Variants in RSU1 observed in about 807,000 individuals in gnomAD.
RSU1 encodes the protein Ras suppressor protein 1, also known as rsu-1.
A neutral mutation model predicts 31.1 loss-of-function variants in RSU1; 26 were observed. That is an observed-to-expected ratio of 0.84 (90% CI 0.61 to 1.16). RSU1 has a LOEUF of 1.16. RSU1 is among the 50% of genes most tolerant of loss of function. The pLI is 0.00. For synonymous variants in RSU1, 164 were observed against 136.3 expected (o/e 1.20, Z -1.41); for missense variants, 320 against 339.1 (o/e 0.94, Z 0.44).
At chr10:16,751,711 T>G (rs1214439858) in intron 7 of RSU1, among the ~76,000 whole-genome samples, 1 of 152,238 alleles carries the variant, frequency 6.6e-6, no homozygotes, top group Admixed American at 6.5e-5. Flanking sequence ...AAAGAACTGC[T>G]TCCTCAATGT....
intron 8 of RSU1, among the ~76,000 whole-genome samples, chr10:16,594,179 C>G (rs1052306148): frequency 6.6e-6 from 1 of 152,146 alleles, no homozygotes; most frequent in Non-Finnish European, 1.5e-5. Context: ...ACAGCTCAAA[C>G]TTAACTCCTT....
intron 7 of RSU1, among the ~76,000 whole-genome samples, chr10:16,710,170 G>T (rs1835987871): frequency 6.6e-6 from 1 of 152,146 alleles, no homozygotes; most frequent in Admixed American, 6.5e-5. Context: ...CATTTACTGT[G>T]TTAAGGTACA....
intron 8 of RSU1, among the ~76,000 whole-genome samples, chr10:16,642,731 CA>C (rs1471330932): frequency 6.6e-6 from 1 of 152,134 alleles, no homozygotes; most frequent in Non-Finnish European, 1.5e-5. Flanking sequence ...AACCTATTTC[CA>C]AAAGACTAAC....
chr10:16,601,244 G>A (rs1027062510), intron 8 of RSU1, among the ~76,000 whole-genome samples: 2 of 152,112 alleles, frequency 1.3e-5, no homozygotes, highest in Non-Finnish European at 2.9e-5. Context: ...AGAACTTCAG[G>A]AGCAAATGCT....
At chr10:16,751,901 G>A (rs1167153380) in intron 7 of RSU1, among the ~76,000 whole-genome samples, 1 of 152,160 alleles carries the variant, frequency 6.6e-6, no homozygotes, top group Non-Finnish European at 1.5e-5. Flanking sequence ...TGGCTTGGAG[G>A]TTATTTCTGG....
At chr10:16,644,771 A>C (rs184339312) in intron 8 of RSU1, among the ~76,000 whole-genome samples, 2 of 152,342 alleles carry the variant, frequency 1.3e-5, no homozygotes, top group Non-Finnish European at 2.9e-5. Flanking sequence ...ACATTTTCTC[A>C]ATCCTATTAA....
chr10:16,636,122 C>T (rs1303894305), intron 8 of RSU1, among the ~76,000 whole-genome samples: 1 of 152,130 alleles, frequency 6.6e-6, no homozygotes, highest in African/African-American at 2.4e-5. Flanking sequence ...CTCTTCCAGA[C>T]TCATCATTAT....
At chr10:16,712,501 CT>C (rs1836041819) in intron 7 of RSU1, among the ~76,000 whole-genome samples, 1 of 151,948 alleles carries the variant, frequency 6.6e-6, no homozygotes, top group Non-Finnish European at 1.5e-5. Context: ...GTCGTAATTT[CT>C]TTCTTTGTGG....
At chr10:16,816,870 G>T in intron 2 of RSU1, 103 bp downstream of exon 2, 1 of 780,574 alleles carries the variant, frequency 1.3e-6, no homozygotes, top group South Asian at 1.6e-5. Flanking sequence ...GCAGGGGCTG[G>T]GGTCTAAACC....
At chr10:16,703,113 T>A (rs1419695473) in intron 7 of RSU1, among the ~76,000 whole-genome samples, 1 of 152,168 alleles carries the variant, frequency 6.6e-6, no homozygotes, top group Non-Finnish European at 1.5e-5. Flanking sequence ...CACTCCCCCT[T>A]TGCCTTCTGC....
At chr10:16,781,589 T>C (rs777610151) in intron 3 of RSU1, among the ~76,000 whole-genome samples, 2 of 152,242 alleles carry the variant, frequency 1.3e-5, no homozygotes, top group African/African-American at 2.4e-5. Context: ...TGCTCACCAA[T>C]GGTCTGGCAA....
chr10:16,709,467 T>C (rs1441557336), intron 7 of RSU1, among the ~76,000 whole-genome samples: 2 of 152,206 alleles, frequency 1.3e-5, no homozygotes, highest in African/African-American at 2.4e-5. Context: ...CGTGTGCATG[T>C]GTCTTTATAG....
rs1408824754 is a variant in RSU1, at chr10:16,604,594, A to G, written c.732-11098T>C. Among the ~76,000 whole-genome samples, 6 of 151,976 alleles carry G rather than the reference A, an allele frequency of 3.9e-5. No homozygotes were observed. In the East Asian group the frequency reaches 1.2e-3, roughly 29 times the overall value. On this transcript the variant is annotated intron_variant, in intron 8 of 8. Transcript: ENST00000345264. ...AACTCCTTAGGGGCTTCTGTTTCCC[A>G]TCACTATTCACTCTGCCTGGAATGC...
intron 7 of RSU1, among the ~76,000 whole-genome samples, chr10:16,708,076 C>A (rs145650000): frequency 2.0e-5 from 3 of 152,116 alleles, no homozygotes; most frequent in Admixed American, 2.0e-4. Flanking sequence ...CTGGTTTATG[C>A]GTCTGTTTTT....
chr10:16,692,089 A>G (rs997860050), intron 8 of RSU1, among the ~76,000 whole-genome samples: 15 of 152,204 alleles, frequency 9.9e-5, no homozygotes, highest in Non-Finnish European at 2.2e-4. Flanking sequence ...ACTTAACTGC[A>G]TAAAAGGTAA....
intron 7 of RSU1, 117 bp from the exon 8 acceptor site, chr10:16,695,272 G>A: frequency 1.1e-6 from 1 of 938,948 alleles, no homozygotes; most frequent in Non-Finnish European, 1.5e-6. Flanking sequence ...GTGCCTCTTG[G>A]ATCATTTGAT....
chr10:16,751,701 A>C (rs902151394), intron 7 of RSU1, among the ~76,000 whole-genome samples: 1 of 152,232 alleles, frequency 6.6e-6, no homozygotes, highest in South Asian at 2.1e-4. Flanking sequence ...AAACTTGTTT[A>C]AAGAACTGCT....
chr10:16,629,644 G>A (rs1034313251), intron 8 of RSU1, among the ~76,000 whole-genome samples: 1 of 152,206 alleles, frequency 6.6e-6, no homozygotes, highest in Non-Finnish European at 1.5e-5. Flanking sequence ...AAGAATCTCA[G>A]GGACTGTAAA....
At chr10:16,642,701 A>G (rs1315758984) in intron 8 of RSU1, among the ~76,000 whole-genome samples, 2 of 152,212 alleles carry the variant, frequency 1.3e-5, no homozygotes, top group African/African-American at 4.8e-5. Flanking sequence ...TATATTATGT[A>G]TGTAAAAGCA....
Sources: gnomAD v4.1 joint callset for allele counts (sites outside exome capture counted in the v4.1 genomes callset) on GRCh38, gnomAD v4.1.1 for gene constraint, MANE v1.5 for transcripts, NCBI Gene and HGNC (gene_info 2026-07-23, HGNC 2026-07-21) for gene names.